Variants in PIK3C3 observed in about 807,000 individuals in gnomAD.
PIK3C3 encodes phosphatidylinositol 3-kinase catalytic subunit type 3.
In PIK3C3, 95 loss-of-function variants were observed where a neutral mutation model predicts 126.1. The ratio of observed to expected loss-of-function variants is 0.75; its 90% confidence interval spans 0.64 to 0.89. The LOEUF (loss-of-function observed/expected upper bound fraction) is 0.89. Among genes scored for constraint, PIK3C3 ranks in the 40% least tolerant of loss-of-function variants. The probability of loss-of-function intolerance (pLI) is 0.00; values close to 1 mark genes in which losing one functional copy is unlikely to be tolerated. For synonymous variants in PIK3C3, 374 were observed against 360.0 expected (o/e 1.04, Z -0.44); for missense variants, 829 against 1,063.2 (o/e 0.78, Z 3.06).
At chr18:42,044,868 T>C (rs1189940418) in intron 20 of PIK3C3, among the ~76,000 whole-genome samples, 1 of 152,218 alleles carries the variant, frequency 6.6e-6, no homozygotes, top group Non-Finnish European at 1.5e-5. Flanking sequence ...TTTATGTCCC[T>C]ATTTATGCCT....
chr18:41,955,255 A>T lies in PIK3C3; in HGVS notation c.-37A>T, dbSNP rs748413064. The T allele has an allele frequency of 6.3e-7, 1 of 1,578,118 alleles. No individual in the cohort carries two copies. The highest frequency in any genetic ancestry group is 8.7e-7 in the Non-Finnish European group (1 of 1,150,522). On this transcript the variant is annotated 5_prime_UTR_variant, in exon 1 of 25. It adds an upstream start codon to the 5' untranslated region. Coordinates refer to ENST00000262039, the MANE Select transcript of PIK3C3 (RefSeq NM_002647.4). Reference sequence around the variant, plus strand: ...ATTTATGTTGTTTTTCCTGTACCTAAGTTCCCGCTGTAGGTGGTACCTTTG... The same window carrying T: ...ATTTATGTTGTTTTTCCTGTACCTATGTTCCCGCTGTAGGTGGTACCTTTG...
At chr18:42,053,197 T>G (rs1003666630) in intron 21 of PIK3C3, among the ~76,000 whole-genome samples, 2 of 152,186 alleles carry the variant, frequency 1.3e-5, no homozygotes, top group Admixed American at 6.5e-5. Flanking sequence ...AGCTAAGAAC[T>G]CTGGGCATGT....
chr18:41,993,233 A>T, intron 6 of PIK3C3, 37 bp from the exon 7 acceptor site: 2 of 1,312,444 alleles, frequency 1.5e-6, no homozygotes, highest in South Asian at 2.4e-5. Flanking sequence ...ATTGTATTAA[A>T]TTTCTTTTTT....
chr18:41,965,756 G>A (rs537420047), intron 3 of PIK3C3, among the ~76,000 whole-genome samples: 1 of 152,150 alleles, frequency 6.6e-6, no homozygotes, highest in African/African-American at 2.4e-5. Context: ...TTGTAATTCT[G>A]TGTATATCCC....
intron 24 of PIK3C3, among the ~76,000 whole-genome samples, chr18:42,074,888 C>CT (rs1187686904): frequency 6.6e-6 from 1 of 152,060 alleles, no homozygotes; most frequent in Non-Finnish European, 1.5e-5. Flanking sequence ...GGGATGCTCT[C>CT]TAGTTTTAAA....
intron 12 of PIK3C3, among the ~76,000 whole-genome samples, chr18:42,019,256 A>T (rs969457134): frequency 2.2e-4 from 34 of 152,160 alleles, no homozygotes; most frequent in African/African-American, 8.2e-4. Context: ...CATGTTAAAA[A>T]TTCAGAAAAA....
intron 24 of PIK3C3, among the ~76,000 whole-genome samples, chr18:42,079,668 G>T (rs918206242): frequency 2.0e-5 from 3 of 152,136 alleles, no homozygotes; most frequent in Non-Finnish European, 2.9e-5. Context: ...GAGACCTTTG[G>T]TTCAATAGCA....
chr18:42,037,954 T>C lies in PIK3C3; in HGVS notation c.1968+134T>C, dbSNP rs1305725584. ...TCCTAGAAAGCTCAACAGTCTCCACTTGACCTTGAAAAAATTTAGTTGCTT... is the reference window on the plus strand; with the variant it reads ...TCCTAGAAAGCTCAACAGTCTCCACCTGACCTTGAAAAAATTTAGTTGCTT... On this transcript the variant is annotated intron_variant, in intron 17 of 24. Coordinates refer to ENST00000262039, the MANE Select transcript of PIK3C3 (RefSeq NM_002647.4). 5 of 776,640 alleles carry C rather than the reference T, an allele frequency of 6.4e-6. No individual in the cohort carries two copies. The African/African-American group carries it at 8.5e-5, about 13-fold the overall frequency. The allele number at this position is 776,640 out of a possible 1,614,324, so 48.1% of individuals were successfully genotyped here.
intron 4 of PIK3C3, among the ~76,000 whole-genome samples, chr18:41,974,260 A>G (rs1430988944): frequency 6.6e-6 from 1 of 152,124 alleles, no homozygotes; most frequent in Non-Finnish European, 1.5e-5. Context: ...TTTATTGCTC[A>G]CCTATTACAG....
intron 12 of PIK3C3, among the ~76,000 whole-genome samples, chr18:42,018,293 T>A (rs685164): frequency 0.031 from 4,721 of 152,174 alleles, 243 homozygotes; most frequent in African/African-American, 0.11. Flanking sequence ...ACTTCCTGTT[T>A]CACAGTTTTT....
chr18:41,962,327 G>C (rs1437618714), intron 2 of PIK3C3, among the ~76,000 whole-genome samples, 162 bp from the exon 3 acceptor site: 1 of 152,012 alleles, frequency 6.6e-6, no homozygotes, highest in Non-Finnish European at 1.5e-5. Context: ...AAAATGGAAA[G>C]TTGCCTTTAG....
rs552166601 is a variant in PIK3C3, at chr18:41,955,257, T to C, written c.-35T>C. The C allele has an allele frequency of 3.8e-6, 6 of 1,583,176 alleles. No individual in the cohort carries two copies. The African/African-American group carries it at 8.1e-5, about 21-fold the overall frequency. On this transcript the variant is annotated 5_prime_UTR_variant, in exon 1 of 25. Coordinates refer to ENST00000262039, the MANE Select transcript of PIK3C3 (RefSeq NM_002647.4). ...TTATGTTGTTTTTCCTGTACCTAAG[T>C]TCCCGCTGTAGGTGGTACCTTTGCA... is the stretch of plus-strand genomic sequence containing the variant.
chr18:42,067,213 C>T (rs1369709598), intron 23 of PIK3C3, among the ~76,000 whole-genome samples, 175 bp from the exon 24 acceptor site: 1 of 152,122 alleles, frequency 6.6e-6, no homozygotes, highest in East Asian at 1.9e-4. Flanking sequence ...ATAACAAAAA[C>T]AGCAAACTTC....
At chr18:42,007,769 T>A (rs192349307) in intron 10 of PIK3C3, among the ~76,000 whole-genome samples, 21 of 152,328 alleles carry the variant, frequency 1.4e-4, no homozygotes, top group African/African-American at 5.1e-4. Context: ...TATAGCATTA[T>A]GGTAGCTGAA....
intron 10 of PIK3C3, among the ~76,000 whole-genome samples, chr18:42,010,375 G>A (rs1354706974): frequency 4.6e-5 from 7 of 151,814 alleles, no homozygotes; most frequent in Admixed American, 2.0e-4. Flanking sequence ...AGTCTTTTTT[G>A]TTGTTGTTGA....
At chr18:41,985,413 A>G (rs755235519) in intron 4 of PIK3C3, among the ~76,000 whole-genome samples, 10 of 152,176 alleles carry the variant, frequency 6.6e-5, no homozygotes, top group Non-Finnish European at 1.3e-4. Context: ...TTTGCTGTCA[A>G]TCTCAAAGTC....
At chr18:42,033,761 TTACTA>T (rs1983928070) in intron 15 of PIK3C3, 60 bp from the exon 16 acceptor site, 4 of 1,234,392 alleles carry the variant, frequency 3.2e-6, no homozygotes, top group South Asian at 2.9e-5. Context: ...TTTTATGTCT[TTACTA>T]TATGTTTTAT....
chr18:41,980,049 C>T (rs1981120696), intron 4 of PIK3C3, among the ~76,000 whole-genome samples: 1 of 152,204 alleles, frequency 6.6e-6, no homozygotes, highest in East Asian at 1.9e-4. Flanking sequence ...AATAAACTGA[C>T]ATTCTGGATC....
chr18:42,029,742 C>A (rs1273034521), intron 15 of PIK3C3, among the ~76,000 whole-genome samples: 1 of 151,644 alleles, frequency 6.6e-6, no homozygotes, highest in African/African-American at 2.4e-5. Flanking sequence ...GAGGTTTCAC[C>A]ATGTTGGTCA....
Sources: allele counts gnomAD v4.1 joint callset (sites outside exome capture counted in the v4.1 genomes callset), GRCh38; gene constraint gnomAD v4.1.1; transcripts MANE v1.5; gene names NCBI Gene and HGNC (gene_info 2026-07-23, HGNC 2026-07-21).